PCMT1: variants seen among roughly 807,000 people sequenced by gnomAD.
PCMT1 encodes protein-L-isoaspartate(D-aspartate) O-methyltransferase.
PCMT1 carries 9 observed loss-of-function variants against 29.2 expected under a neutral mutation model. That is an observed-to-expected ratio of 0.31 (90% CI 0.19 to 0.54). The LOEUF is 0.54. PCMT1 is among the 20% of genes least tolerant of loss of function. The probability of loss-of-function intolerance (pLI) is 0.95; values close to 1 mark genes in which losing one functional copy is unlikely to be tolerated. For missense variants in PCMT1, 184 were observed against 282.2 expected (o/e 0.65, Z 2.49); for synonymous variants, 98 against 97.5 (o/e 1.00, Z -0.03).
chr6:149,808,400 A>ATT (rs1776069898), intron 7 of PCMT1, among the ~76,000 whole-genome samples: 1 of 152,110 alleles, frequency 6.6e-6, no homozygotes, highest in Admixed American at 6.5e-5. Flanking sequence ...AGTTACATGG[A>ATT]TTTTAGAGTA....
intron 1 of PCMT1, among the ~76,000 whole-genome samples, chr6:149,765,099 C>G (rs1787022692): frequency 6.7e-6 from 1 of 150,324 alleles, no homozygotes; most frequent in Non-Finnish European, 1.5e-5. Context: ...GTGGCTCACG[C>G]CTGTAATCCT....
intron 4 of PCMT1, among the ~76,000 whole-genome samples, chr6:149,791,225 T>TC (rs1320820926): frequency 6.6e-5 from 10 of 152,292 alleles, no homozygotes; most frequent in South Asian, 2.1e-4. Context: ...CAGCACCCTC[T>TC]CCACTGTCCC....
At chr6:149,784,074 G>C (rs1448834190) in intron 3 of PCMT1, among the ~76,000 whole-genome samples, 1 of 152,206 alleles carries the variant, frequency 6.6e-6, no homozygotes, top group Non-Finnish European at 1.5e-5. Context: ...GAACATTCTA[G>C]ATTGGCAAAT....
At chr6:149,795,638 G>T in intron 5 of PCMT1, 1 of 454,878 alleles carries the variant, frequency 2.2e-6, no homozygotes, top group South Asian at 2.0e-5. Flanking sequence ...AATCTATTCT[G>T]GATTACTATA....
chr6:149,762,518 G>GATAT lies in PCMT1; in HGVS notation c.56-8637_56-8634dup, dbSNP rs71830267. Reference sequence around the variant, plus strand: ...ATCTATGATATATATATATATCTATGATATATATATCTATGATATATATAT... The same window carrying GATAT: ...ATCTATGATATATATATATATCTATGATATATATATATATCTATGATATATATAT... On this transcript the variant is annotated intron_variant, in intron 1 of 7. Coordinates refer to ENST00000464889, the MANE Select transcript of PCMT1 (RefSeq NM_001360452.2). Among the ~76,000 whole-genome samples, 40 of 25,840 alleles carry GATAT rather than the reference G, an allele frequency of 1.5e-3. 5 individuals are homozygous for GATAT. The highest frequency in any genetic ancestry group is 3.7e-3 in the African/African-American group (4 of 1,074). 17.0% of individuals were successfully genotyped at this position (25,840 alleles called of 152,430 possible).
chr6:149,784,417 A>C lies in PCMT1; in HGVS notation c.193-5537A>C, dbSNP rs189061178. Reference sequence around the variant, plus strand: ...AATAAAATAGTATAATGAACCTATAAATCACCCAGCTTTAATAATGACCAA... The same window carrying C: ...AATAAAATAGTATAATGAACCTATACATCACCCAGCTTTAATAATGACCAA... On this transcript the variant is annotated intron_variant, in intron 3 of 7. Coordinates refer to ENST00000464889, the MANE Select transcript of PCMT1 (RefSeq NM_001360452.2). Among the ~76,000 whole-genome samples, 12 of 152,274 alleles carry C rather than the reference A, an allele frequency of 7.9e-5. No individual in the cohort carries two copies. In the East Asian group the frequency reaches 2.1e-3, roughly 27 times the overall value.
At chr6:149,750,773 G>A (rs1296420320) in intron 1 of PCMT1, among the ~76,000 whole-genome samples, 1 of 152,062 alleles carries the variant, frequency 6.6e-6, no homozygotes, top group Non-Finnish European at 1.5e-5. Flanking sequence ...ATAATTTTAG[G>A]ATAGGATGAG....
chr6:149,799,829 T>C (rs564421185), intron 6 of PCMT1, among the ~76,000 whole-genome samples: 1 of 152,204 alleles, frequency 6.6e-6, no homozygotes, highest in South Asian at 2.1e-4. Context: ...AAGGAAACAA[T>C]GATTGGATAC....
chr6:149,784,114 G>A (rs1295945886), intron 3 of PCMT1, among the ~76,000 whole-genome samples: 1 of 152,056 alleles, frequency 6.6e-6, no homozygotes, highest in African/African-American at 2.4e-5. Context: ...TATATTGGGG[G>A]AAAAAACAGC....
intron 3 of PCMT1, among the ~76,000 whole-genome samples, chr6:149,776,246 A>G (rs1787557286): frequency 6.6e-6 from 1 of 152,076 alleles, no homozygotes; most frequent in African/African-American, 2.4e-5. Flanking sequence ...ATCTTCACGT[A>G]TTTAAATTTT....
At chr6:149,762,440 G>T (rs1449382683) in intron 1 of PCMT1, among the ~76,000 whole-genome samples, 1 of 150,030 alleles carries the variant, frequency 6.7e-6, no homozygotes, top group African/African-American at 2.4e-5. Context: ...TACATGCAAA[G>T]TAAAACATCA....
At chr6:149,775,678 A>G (rs777374794) in intron 3 of PCMT1, among the ~76,000 whole-genome samples, 7 of 152,350 alleles carry the variant, frequency 4.6e-5, no homozygotes, top group African/African-American at 2.4e-5. Context: ...ACTGCACTCC[A>G]GCCTGGTTGA....
chr6:149,780,181 A>T (rs529427885), intron 3 of PCMT1, among the ~76,000 whole-genome samples: 1 of 152,184 alleles, frequency 6.6e-6, no homozygotes, highest in Admixed American at 6.5e-5. Flanking sequence ...TCTACAAAAA[A>T]TAAAAAACAT....
intron 7 of PCMT1, among the ~76,000 whole-genome samples, chr6:149,806,583 T>C (rs1048444533): frequency 6.6e-6 from 1 of 152,046 alleles, no homozygotes; most frequent in East Asian, 1.9e-4. Context: ...GTTTTTGTTT[T>C]TGTTTTGTTT....
intron 1 of PCMT1, among the ~76,000 whole-genome samples, chr6:149,758,940 G>A (rs964810832): frequency 4.6e-5 from 7 of 151,988 alleles, no homozygotes; most frequent in African/African-American, 1.5e-4. Flanking sequence ...GCAATGGCGC[G>A]ATCTCGGCTC....
Position 149,749,857 on chromosome 6 carries a change from G to A in PCMT1, c.-45G>A. The A allele has an allele frequency of 6.3e-7, 1 of 1,592,392 alleles. No individual in the cohort carries two copies. Among genetic ancestry groups the A allele is most frequent in the Non-Finnish European group, 8.6e-7 (1 of 1,169,544 alleles). ...CTTGGGAAAACTGCTGGGCACCGTC[G>A]TCGCGCTGAAGGTGGTTCTGTACCT... On this transcript the variant is annotated 5_prime_UTR_variant, in exon 1 of 8. Transcript: ENST00000464889.
intron 1 of PCMT1, among the ~76,000 whole-genome samples, chr6:149,757,223 A>G (rs954383116): frequency 1.3e-5 from 2 of 152,168 alleles, no homozygotes; most frequent in Non-Finnish European, 2.9e-5. Flanking sequence ...TCAAGAGCTC[A>G]GTAGCCACAT....
chr6:149,790,046 T>C lies in PCMT1; in HGVS notation c.285T>C (p.Cys95=). 1 of 1,598,166 alleles carries C rather than the reference T, an allele frequency of 6.3e-7. No individual in the cohort carries two copies. Among genetic ancestry groups the C allele is most frequent in the Non-Finnish European group, 8.6e-7 (1 of 1,167,674 alleles). Reference sequence around the variant, plus strand: ...CTGGAAGTGGAATCCTTACTGCATGTTTTGCACGTATGGTAAGAGTTTTAT... The same window carrying C: ...CTGGAAGTGGAATCCTTACTGCATGCTTTGCACGTATGGTAAGAGTTTTAT... ...VGSGSGILTA[C]FARMVGCTGK... Residue 95 remains cysteine (C), a synonymous_variant, in exon 4 of 8, where the codon TGT becomes TGC. Transcript: ENST00000464889.
rs1305060121 is a variant in PCMT1, at chr6:149,786,320, A to AC, written c.193-3627dup. Among the ~76,000 whole-genome samples, 209 of 30,924 alleles carry AC rather than the reference A, an allele frequency of 6.8e-3. 65 individuals carry two copies. The East Asian group carries it at 0.15, about 22-fold the overall frequency. The allele number at this position is 30,924 out of a possible 152,430, so 20.3% of individuals were successfully genotyped here. A position where few individuals can be genotyped will look rare whatever the true frequency, so the allele number is the denominator to read the frequency against. ...GGGGCGGCTGGCCGGGCGGGGGCTG[A>AC]CCCCCCCACCTCCCTCCCGGACGGG... On this transcript the variant is annotated intron_variant, in intron 3 of 7. Transcript: ENST00000464889.
Sources: allele counts gnomAD v4.1 joint callset (sites outside exome capture counted in the v4.1 genomes callset), GRCh38; gene constraint gnomAD v4.1.1; transcripts MANE v1.5; gene names NCBI Gene and HGNC (gene_info 2026-07-23, HGNC 2026-07-21).